SLC17A8: variants seen among roughly 807,000 people sequenced by gnomAD.
The protein encoded by SLC17A8 is solute carrier family 17 member 8, also known as vesicular glutamate transporter 3.
A neutral mutation model predicts 58.0 loss-of-function variants in SLC17A8; 31 were observed. The ratio of observed to expected loss-of-function variants is 0.53; its 90% CI spans 0.40 to 0.72. The LOEUF (loss-of-function observed/expected upper bound fraction) is 0.72. Among genes scored for constraint, SLC17A8 ranks in the 30% least tolerant of loss-of-function variants. The pLI is 0.00. For missense variants in SLC17A8, 655 were observed against 727.8 expected, an observed-to-expected ratio of 0.90 and a Z score of 1.15; for synonymous variants, 228 against 249.0, an observed-to-expected ratio of 0.92 and a Z score of 0.79.
chr12:100,379,063 A>G (rs550860685), intron 1 of SLC17A8, among the ~76,000 whole-genome samples: 1 of 152,318 alleles, frequency 6.6e-6, no homozygotes, highest in South Asian at 2.1e-4. Context: ...CGCTCAATAT[A>G]TATCTGATGA....
intron 1 of SLC17A8, among the ~76,000 whole-genome samples, chr12:100,367,806 G>C (rs551139209): frequency 2.1e-4 from 32 of 152,268 alleles, no homozygotes; most frequent in African/African-American, 7.5e-4. Flanking sequence ...TCCCACCTCA[G>C]CCTGCCAAAT....
chr12:100,403,272 C>T (rs1366289575), intron 8 of SLC17A8, among the ~76,000 whole-genome samples: 1 of 148,624 alleles, frequency 6.7e-6, no homozygotes, highest in Non-Finnish European at 1.5e-5. Flanking sequence ...AGGTTAGGAC[C>T]AGCCTGACCA....
Position 100,403,974 on chromosome 12 carries a change from G to C in SLC17A8, c.1054-64G>C, listed in dbSNP as rs952654282. The C allele has an allele frequency of 5.0e-6, 8 of 1,599,454 alleles. No individual in the cohort carries two copies. The African/African-American group carries it at 9.4e-5, about 19-fold the overall frequency. On this transcript the variant is annotated intron_variant, in intron 8 of 11. Coordinates refer to ENST00000323346, the MANE Select transcript of SLC17A8 (RefSeq NM_139319.3). ...GGGCTGTGGAGTGGAGGTGGGCAAG[G>C]GAATTAGGGAGGCCCCTCTCTCAGA...
intron 4 of SLC17A8, 42 bp downstream of exon 4, chr12:100,393,525 C>T (rs891225605): frequency 1.4e-6 from 2 of 1,393,222 alleles, no homozygotes; most frequent in Middle Eastern, 1.8e-4. Flanking sequence ...TTGCTAGAGA[C>T]AGCGCAGTCC....
At chr12:100,419,700 T>C in intron 11 of SLC17A8, 115 bp from the exon 12 acceptor site, 1 of 1,010,962 alleles carries the variant, frequency 9.9e-7, no homozygotes, top group Non-Finnish European at 1.5e-6. Context: ...AAGGAGCCTC[T>C]AGAGCATCAC....
At chr12:100,391,837 C>T (rs1337824865) in intron 3 of SLC17A8, among the ~76,000 whole-genome samples, 4 of 152,122 alleles carry the variant, frequency 2.6e-5, no homozygotes, top group African/African-American at 9.7e-5. Context: ...TTCCCCTTGA[C>T]CAGTGACATT....
At chr12:100,393,510 TG>T in intron 4 of SLC17A8, 27 bp downstream of exon 4, 1 of 1,529,210 alleles carries the variant, frequency 6.5e-7, no homozygotes, top group Non-Finnish European at 9.1e-7. Flanking sequence ...TTACAGTTTT[TG>T]ATATTGCTAG....
intron 2 of SLC17A8, among the ~76,000 whole-genome samples, chr12:100,390,148 A>G (rs563664944): frequency 6.6e-6 from 1 of 151,884 alleles, no homozygotes; most frequent in South Asian, 2.1e-4. Flanking sequence ...GATTTTTTGT[A>G]GAGATGGGGT....
chr12:100,389,572 T>C (rs752971232), intron 2 of SLC17A8, among the ~76,000 whole-genome samples: 2 of 151,698 alleles, frequency 1.3e-5, no homozygotes, highest in Admixed American at 6.6e-5. Context: ...TCTGTGTATA[T>C]ACATATATAC....
intron 5 of SLC17A8, among the ~76,000 whole-genome samples, chr12:100,401,566 G>A (rs750836805): frequency 4.6e-5 from 7 of 151,938 alleles, no homozygotes; most frequent in Non-Finnish European, 7.4e-5. Flanking sequence ...ATCCTGTGTG[G>A]TCTCTGGATG....
intron 1 of SLC17A8, among the ~76,000 whole-genome samples, chr12:100,379,704 T>C (rs1952619886): frequency 6.6e-6 from 1 of 151,104 alleles, no homozygotes; most frequent in Non-Finnish European, 1.5e-5. Context: ...GTCCAATTAC[T>C]TTTTTTTTAA....
rs1952938976 is a variant in SLC17A8 at position 100,420,193 on chromosome 12, T to G, written c.*34T>G. Reference sequence around the variant, plus strand: ...AGGCACTTCTGTCTTCTCCTTACTTTAGAAACAGAAAGTATCCATACCTAT... The same window carrying G: ...AGGCACTTCTGTCTTCTCCTTACTTGAGAAACAGAAAGTATCCATACCTAT... On this transcript the variant is annotated 3_prime_UTR_variant, in exon 12 of 12. Coordinates refer to ENST00000323346, the MANE Select transcript of SLC17A8 (RefSeq NM_139319.3). The G allele has an allele frequency of 6.4e-7, 1 of 1,558,290 alleles. No homozygotes were observed. Among genetic ancestry groups the G allele is most frequent in the Non-Finnish European group, 8.8e-7 (1 of 1,141,036 alleles).
intron 2 of SLC17A8, 81 bp downstream of exon 2, chr12:100,381,034 C>T (rs914354620): frequency 1.2e-5 from 18 of 1,553,624 alleles, no homozygotes; most frequent in African/African-American, 1.1e-4. Context: ...TACAGTGGCA[C>T]GATCTTGGCT....
intron 9 of SLC17A8, among the ~76,000 whole-genome samples, chr12:100,405,093 G>A (rs765897640): frequency 2.6e-5 from 4 of 152,228 alleles, no homozygotes; most frequent in Non-Finnish European, 5.9e-5. Context: ...AGGGACACAG[G>A]AGCAGGCATG....
intron 1 of SLC17A8, among the ~76,000 whole-genome samples, chr12:100,368,642 G>A (rs1307800769): frequency 6.6e-6 from 1 of 152,080 alleles, no homozygotes; most frequent in Non-Finnish European, 1.5e-5. Flanking sequence ...TGATGTAAAT[G>A]TTCATCAGAT....
chr12:100,390,139 A>AT (rs1952704922), intron 2 of SLC17A8, among the ~76,000 whole-genome samples: 3 of 151,496 alleles, frequency 2.0e-5, no homozygotes, highest in South Asian at 4.2e-4. Flanking sequence ...TAGATTTTTG[A>AT]TTTTTTGTAG....
chr12:100,361,970 C>T (rs1952487826), intron 1 of SLC17A8, among the ~76,000 whole-genome samples: 1 of 151,194 alleles, frequency 6.6e-6, no homozygotes, highest in Non-Finnish European at 1.5e-5. Context: ...CCAAAAAAAA[C>T]AAAACAAAAA....
intron 2 of SLC17A8, among the ~76,000 whole-genome samples, chr12:100,390,144 T>C (rs1222399674): frequency 6.6e-6 from 1 of 151,922 alleles, no homozygotes; most frequent in Non-Finnish European, 1.5e-5. Flanking sequence ...TTTTGATTTT[T>C]TGTAGAGATG....
At chr12:100,404,362 C>T in intron 9 of SLC17A8, 192 bp downstream of exon 9, 2 of 650,526 alleles carry the variant, frequency 3.1e-6, no homozygotes, top group Non-Finnish European at 2.7e-6. Context: ...GGGACCTTTC[C>T]ATACATCCTT....
Sources: allele counts gnomAD v4.1 joint callset (sites outside exome capture counted in the v4.1 genomes callset), GRCh38; gene constraint gnomAD v4.1.1; transcripts MANE v1.5; gene names NCBI Gene and HGNC (gene_info 2026-07-23, HGNC 2026-07-21).